The following TNRC18 variants were observed in gnomAD, a reference collection of about 807,000 sequenced individuals.
TNRC18 encodes trinucleotide repeat-containing gene 18 protein.
Under a neutral mutation model 226.7 loss-of-function variants are expected in TNRC18, and 69 were observed. The observed-to-expected ratio is 0.30, with a 90% confidence interval of 0.25 to 0.37. The LOEUF is 0.37. Among genes scored for constraint, TNRC18 ranks in the 10% least tolerant of loss-of-function variants. TNRC18 has a pLI of 1.00. For missense variants in TNRC18, 4,754 were observed against 4,256.6 expected (o/e 1.12, Z -3.25); for synonymous variants, 2,449 against 1,927.6 (o/e 1.27, Z -7.09).
chr7:5,410,310 C>CAAAA (rs1157425008), intron 2 of TNRC18, among the ~76,000 whole-genome samples: 7 of 66,130 alleles, frequency 1.1e-4, no homozygotes, highest in South Asian at 5.6e-4. Context: ...GACTCTGTCT[C>CAAAA]AAAAAAAAAA....
At chr7:5,383,957 A>AGTT (rs1554294787) in intron 5 of TNRC18, among the ~76,000 whole-genome samples, 1 of 78,802 alleles carries the variant, frequency 1.3e-5, no homozygotes, top group Non-Finnish European at 2.2e-5. Flanking sequence ...TACCCGGGTG[A>AGTT]TTTTTTTTTT....
chr7:5,385,759 C>G (rs992503691), intron 5 of TNRC18, among the ~76,000 whole-genome samples: 7 of 150,242 alleles, frequency 4.7e-5, no homozygotes, highest in Non-Finnish European at 8.9e-5. Flanking sequence ...GGATCAACTG[C>G]GGCCAGGAGT....
At chr7:5,422,969 G>T (rs976153509) in intron 1 of TNRC18, 1 of 152,258 alleles carries the variant, frequency 6.6e-6, no homozygotes, top group Non-Finnish European at 1.5e-5. Context: ...GTTTGGGGAA[G>T]TCGGGGTGAA....
rs772410525 is a variant in TNRC18 at position 5,351,855 on chromosome 7, AG to A, written c.5433del (p.Ser1812ProfsTer221). The A allele has an allele frequency of 6.2e-7, 1 of 1,606,788 alleles. No individual in the cohort carries two copies. On this transcript the variant is annotated frameshift_variant, in exon 17 of 30. Coordinates refer to ENST00000430969, the MANE Select transcript of TNRC18 (RefSeq NM_001080495.3). LOFTEE classifies it high-confidence loss of function. ...CLLLREAEAR[S>X]SFSDSSEESF... ...GATTCCTCCGAAGAGTCGCTGAAGG[AG>A]GAACGCGCCTCGGCCTCTCGAAGCA...
chr7:5,315,647 C>T (rs764535926), intron 25 of TNRC18, among the ~76,000 whole-genome samples: 40 of 152,324 alleles, frequency 2.6e-4, no homozygotes, highest in Admixed American at 1.4e-3. Flanking sequence ...TGGTCTCGAT[C>T]TCTTGACCTC....
chr7:5,416,482 C>T (rs1261273477), intron 2 of TNRC18, among the ~76,000 whole-genome samples: 3 of 152,066 alleles, frequency 2.0e-5, no homozygotes, highest in South Asian at 2.1e-4. Context: ...GCTACTCGGG[C>T]GGCTGAGGCA....
At chr7:5,320,458 G>T (rs1487098698) in intron 23 of TNRC18, 32 bp from the exon 24 acceptor site, 1 of 1,564,262 alleles carries the variant, frequency 6.4e-7, no homozygotes, top group East Asian at 2.4e-5. Flanking sequence ...GCAAGGTGTG[G>T]ACACAGTTAT....
chr7:5,366,100 T>C (rs1793588651), intron 11 of TNRC18, among the ~76,000 whole-genome samples: 1 of 151,960 alleles, frequency 6.6e-6, no homozygotes, highest in South Asian at 2.1e-4. Context: ...GGAGCTTCTC[T>C]TCCTTGGCAC....
intron 2 of TNRC18, among the ~76,000 whole-genome samples, chr7:5,395,237 G>A (rs1780590244): frequency 6.6e-6 from 1 of 152,238 alleles, no homozygotes; most frequent in Admixed American, 6.5e-5. Flanking sequence ...GCACCACCGA[G>A]CCACAGTGGC....
chr7:5,358,235 G>A (rs1792660769), intron 15 of TNRC18, among the ~76,000 whole-genome samples: 1 of 152,208 alleles, frequency 6.6e-6, no homozygotes, highest in Non-Finnish European at 1.5e-5. Flanking sequence ...AGATTTCACA[G>A]ATTAAATTCC....
intron 16 of TNRC18, among the ~76,000 whole-genome samples, chr7:5,353,334 C>T (rs936922243): frequency 7.2e-5 from 11 of 152,064 alleles, no homozygotes; most frequent in Admixed American, 2.0e-4. Flanking sequence ...GCCAGGAGTT[C>T]GAGACCAGCC....
chr7:5,368,699 A>AAGGGC (rs1793874205), intron 11 of TNRC18, among the ~76,000 whole-genome samples: 1 of 151,656 alleles, frequency 6.6e-6, no homozygotes, highest in Non-Finnish European at 1.5e-5. Context: ...TTTAAGTGAA[A>AAGGGC]AGGGCAGGGC....
rs1334426006 is a variant in TNRC18, at chr7:5,335,198, G to A, written c.5720-2149C>T. 2.0e-5 allele frequency among the ~76,000 whole-genome samples: 3 copies of A among 150,764 alleles called. No homozygotes were observed. The South Asian group carries it at 6.3e-4, about 32-fold the overall frequency. ...GGTGCCTATAGTCCCAGCTACTCGG[G>A]AGGCTTAGGCAGGAGAATCACTTGG... On this transcript the variant is annotated intron_variant, in intron 18 of 29. Transcript: ENST00000430969.
rs905536221 is a variant in TNRC18 at position 5,308,033 on chromosome 7, C to A, written c.*73G>T. ...GCATGCACACAACGCACGTGGTCTC[C>A]GCGCCATGGCAGTGATGGAGATGGG... On this transcript the variant is annotated 3_prime_UTR_variant, in exon 30 of 30. Coordinates refer to ENST00000430969, the MANE Select transcript of TNRC18 (RefSeq NM_001080495.3). 1.4e-6 allele frequency: 2 copies of A among 1,407,104 alleles called. No individual in the cohort carries two copies. 87.2% of individuals were successfully genotyped at this position (1,407,104 alleles called of 1,614,324 possible).
At chr7:5,414,312 T>C (rs527268406) in intron 2 of TNRC18, among the ~76,000 whole-genome samples, 208 of 150,744 alleles carry the variant, frequency 1.4e-3, no homozygotes, top group Non-Finnish European at 2.3e-3. Context: ...ATTATATATG[T>C]ATATTTATAG....
intron 5 of TNRC18, among the ~76,000 whole-genome samples, chr7:5,378,393 T>A (rs1779160202): frequency 6.6e-6 from 1 of 151,974 alleles, no homozygotes; most frequent in African/African-American, 2.4e-5. Flanking sequence ...TTACTAATGC[T>A]ATTTTTATTT....
intron 2 of TNRC18, among the ~76,000 whole-genome samples, chr7:5,412,317 T>TGGATTACCAAA (rs1186252823): frequency 1.3e-5 from 2 of 151,190 alleles, no homozygotes; most frequent in African/African-American, 4.9e-5. Flanking sequence ...GGCTTACGCC[T>TGGATTACCAAA]GTAATCCCAG....
In TNRC18 at chr7:5,363,559, G is replaced by A. The variant is rs532293530; in HGVS notation, c.4220-734C>T. Among the ~76,000 whole-genome samples the A allele has an allele frequency of 4.1e-4, 63 of 152,194 alleles. No homozygotes were observed. The East Asian group carries it at 8.9e-3, about 22-fold the overall frequency. On this transcript the variant is annotated intron_variant, in intron 11 of 29. Transcript: ENST00000430969. Reference sequence around the variant, plus strand: ...GCGGAGCTTGCAGTAAGCCGAGATGGCGCCACTGCACTCCAGCCTGGGTGA... The same window carrying A: ...GCGGAGCTTGCAGTAAGCCGAGATGACGCCACTGCACTCCAGCCTGGGTGA...
chr7:5,315,282 T>C, intron 25 of TNRC18, 134 bp from the exon 26 acceptor site: 1 of 928,802 alleles, frequency 1.1e-6, no homozygotes, highest in Non-Finnish European at 1.6e-6. Context: ...CCGGATGGGC[T>C]CCCATGACAG....
Sources: allele counts gnomAD v4.1 joint callset (sites outside exome capture counted in the v4.1 genomes callset), GRCh38; gene constraint gnomAD v4.1.1; transcripts MANE v1.5; gene names NCBI Gene and HGNC (gene_info 2026-07-23, HGNC 2026-07-21).